FBXW7: variants seen among roughly 807,000 people sequenced by gnomAD.
The protein encoded by FBXW7 is F-box and WD repeat domain containing 7, also known as F-box/WD repeat-containing protein 7.
FBXW7 carries 11 observed loss-of-function variants against 86.3 expected under a neutral mutation model. The ratio of observed to expected loss-of-function variants is 0.13; its 90% CI spans 0.08 to 0.21. The LOEUF is 0.21. Ranked by LOEUF, FBXW7 falls within the 10% of genes least tolerant of loss-of-function variation. The probability of loss-of-function intolerance (pLI) is 1.00; values close to 1 mark genes in which losing one functional copy is unlikely to be tolerated. For synonymous variants in FBXW7, 313 were observed against 297.9 expected (o/e 1.05, Z -0.52); for missense variants, 488 against 847.4 (o/e 0.58, Z 5.27).
Position 152,411,330 on chromosome 4 carries a change from GGA to G in FBXW7, c.472_473del (p.Ser158LeufsTer19). On this transcript the variant is annotated frameshift_variant, in exon 4 of 14. Coordinates refer to ENST00000281708, the MANE Select transcript of FBXW7 (RefSeq NM_001349798.2). LOFTEE classifies it high-confidence loss of function. ...SIVDLPVHQL[S>X]SPFYTKTTKM... The stretch of plus-strand genomic sequence containing the variant: ...TTGTTGTTTTTGTATAGAATGGGGA[GGA>G]GAGTTGGTGAACGGGCAGGTCCACA... 1 of 1,610,780 alleles carries G rather than the reference GGA, an allele frequency of 6.2e-7. No individual in the cohort carries two copies. Among genetic ancestry groups the G allele is most frequent in the Non-Finnish European group, 8.5e-7 (1 of 1,178,380 alleles).
intron 2 of FBXW7, among the ~76,000 whole-genome samples, chr4:152,495,781 A>C (rs1746281504): frequency 6.6e-6 from 1 of 152,200 alleles, no homozygotes; most frequent in Admixed American, 6.5e-5. Flanking sequence ...CAATAACAGA[A>C]GAAAAATATA....
rs1750438835 is a variant in FBXW7, at chr4:152,535,386, CCCCGGA to C, written c.-478_-473del. The stretch of plus-strand genomic sequence containing the variant: ...CCGGCGACTGGCCAAGGGAGAAGAC[CCCCGGA>C]GGGGGCTGAGGGGAGGGGGAAGGTG... On this transcript the variant is annotated 5_prime_UTR_variant, in exon 1 of 14. Transcript: ENST00000281708. 1 of 383,258 alleles carries C rather than the reference CCCCGGA, an allele frequency of 2.6e-6. No homozygotes were observed. Among genetic ancestry groups the C allele is most frequent in the Admixed American group, 4.5e-5 (1 of 22,156 alleles). 23.7% of individuals were successfully genotyped at this position (383,258 alleles called of 1,614,324 possible).
chr4:152,472,359 C>T (rs993168690), intron 2 of FBXW7, among the ~76,000 whole-genome samples: 3 of 152,082 alleles, frequency 2.0e-5, no homozygotes, highest in African/African-American at 7.2e-5. Context: ...ATCACAGCAG[C>T]ACTATTTGTA....
At chr4:152,441,981 ATCCC>A (rs931569982) in intron 2 of FBXW7, among the ~76,000 whole-genome samples, 2 of 152,152 alleles carry the variant, frequency 1.3e-5, no homozygotes, top group Admixed American at 6.5e-5. Flanking sequence ...ACATTTCACC[ATCCC>A]TCCCAGAAAA....
intron 4 of FBXW7, chr4:152,352,891 C>T: frequency 6.9e-7 from 1 of 1,449,494 alleles, no homozygotes. Context: ...CAGAATGGTG[C>T]AGTCCAGGAT....
intron 2 of FBXW7, among the ~76,000 whole-genome samples, chr4:152,512,774 G>A (rs190196202): frequency 6.6e-6 from 1 of 152,242 alleles, no homozygotes; most frequent in East Asian, 1.9e-4. Flanking sequence ...TGAGCATCAG[G>A]GTTCTTTTGA....
chr4:152,417,075 T>C (rs1738499718), intron 2 of FBXW7, among the ~76,000 whole-genome samples: 1 of 152,160 alleles, frequency 6.6e-6, no homozygotes. Context: ...GCTCCATCGC[T>C]AGCTCCTCCC....
At chr4:152,366,897 C>T (rs1358390771) in intron 4 of FBXW7, among the ~76,000 whole-genome samples, 1 of 152,064 alleles carries the variant, frequency 6.6e-6, no homozygotes, top group Non-Finnish European at 1.5e-5. Flanking sequence ...CAATGATAGA[C>T]TGGATTAAGA....
chr4:152,454,645 C>CT, intron 2 of FBXW7, among the ~76,000 whole-genome samples: 1 of 151,968 alleles, frequency 6.6e-6, no homozygotes, highest in African/African-American at 2.4e-5. Flanking sequence ...CTAAATAGCC[C>CT]TTTTTAAAAA....
chr4:152,533,337 G>T (rs1269562522), intron 2 of FBXW7, among the ~76,000 whole-genome samples: 1 of 152,024 alleles, frequency 6.6e-6, no homozygotes, highest in Non-Finnish European at 1.5e-5. Flanking sequence ...CCAAAATACA[G>T]CTTCTACTGT....
chr4:152,419,675 G>A (rs1222933539), intron 2 of FBXW7, among the ~76,000 whole-genome samples: 1 of 152,076 alleles, frequency 6.6e-6, no homozygotes, highest in African/African-American at 2.4e-5. Flanking sequence ...TTACACCTCA[G>A]AAAACTGCAG....
Position 152,440,443 on chromosome 4 carries a change from T to A in FBXW7, c.-119-27914A>T, listed in dbSNP as rs558113136. Among the ~76,000 whole-genome samples, 8 of 152,304 alleles carry A rather than the reference T, an allele frequency of 5.3e-5. No homozygotes were observed. The South Asian group carries it at 1.0e-3, about 20-fold the overall frequency. ...CAAAAATTGACTTCAGCATTCAAAT[T>A]TCTGTTGACAACATGTGTTTAAGAT... On this transcript the variant is annotated intron_variant, in intron 2 of 13. Coordinates refer to ENST00000281708, the MANE Select transcript of FBXW7 (RefSeq NM_001349798.2).
chr4:152,412,048 TAA>T (rs1738015894), intron 3 of FBXW7, among the ~76,000 whole-genome samples, 176 bp from the exon 4 acceptor site: 1 of 152,176 alleles, frequency 6.6e-6, no homozygotes, highest in Non-Finnish European at 1.5e-5. Context: ...TTAAAAGTTA[TAA>T]GACTTTATAA....
At chr4:152,375,910 T>C (rs1196763230) in intron 4 of FBXW7, among the ~76,000 whole-genome samples, 2 of 152,102 alleles carry the variant, frequency 1.3e-5, no homozygotes, top group Non-Finnish European at 2.9e-5. Flanking sequence ...TGCATAACGA[T>C]GTTCAAAGCA....
At chr4:152,510,396 A>G (rs1490499839) in intron 2 of FBXW7, among the ~76,000 whole-genome samples, 1 of 152,128 alleles carries the variant, frequency 6.6e-6, no homozygotes, top group African/African-American at 2.4e-5. Flanking sequence ...AAAAATGTAT[A>G]CTCCCAACAA....
At chr4:152,379,145 C>T (rs1264355533) in intron 4 of FBXW7, among the ~76,000 whole-genome samples, 1 of 151,792 alleles carries the variant, frequency 6.6e-6, no homozygotes, top group Non-Finnish European at 1.5e-5. Context: ...TTCATATATG[C>T]TTATAATGTG....
rs542939188 is a variant in FBXW7, at chr4:152,439,193, G to A, written c.-119-26664C>T. ...TTAAAACCATCTGGTCAAGCTGTGA[G>A]TACAGATAGAAAATCCATGACAATA... On this transcript the variant is annotated intron_variant, in intron 2 of 13. Coordinates refer to ENST00000281708, the MANE Select transcript of FBXW7 (RefSeq NM_001349798.2). Among the ~76,000 whole-genome samples the A allele has an allele frequency of 4.6e-5, 7 of 152,130 alleles. No individual in the cohort carries two copies. The East Asian group carries it at 1.4e-3, about 29-fold the overall frequency.
intron 4 of FBXW7, among the ~76,000 whole-genome samples, chr4:152,357,895 T>G (rs1046915015): frequency 2.0e-5 from 3 of 151,756 alleles, no homozygotes; most frequent in African/African-American, 7.3e-5. Flanking sequence ...AATATGGGGG[T>G]TTTATTCGCT....
rs952844116 is a variant in FBXW7, at chr4:152,322,470, T to C, written c.*411A>G. ...TCAACCAGTACTTGTTTTGATATTA[T>C]TGCAGTTCCTTTCTAGGTGTCTAGC... is the stretch of plus-strand genomic sequence containing the variant. On this transcript the variant is annotated 3_prime_UTR_variant, in exon 14 of 14. Transcript: ENST00000281708. 5 of 244,228 alleles carry C rather than the reference T, an allele frequency of 2.0e-5. No individual in the cohort carries two copies. Among genetic ancestry groups the C allele is most frequent in the African/African-American group, 1.1e-4 (5 of 45,570 alleles). The allele number at this position is 244,228 out of a possible 1,614,324, so 15.1% of individuals were successfully genotyped here.
Sources: gnomAD v4.1 joint callset for allele counts (sites outside exome capture counted in the v4.1 genomes callset) on GRCh38, gnomAD v4.1.1 for gene constraint, MANE v1.5 for transcripts, NCBI Gene and HGNC (gene_info 2026-07-23, HGNC 2026-07-21) for gene names.